AK5: variants seen among roughly 807,000 people sequenced by gnomAD.
AK5 encodes the protein adenylate kinase isoenzyme 5.
Under a neutral mutation model 69.5 loss-of-function variants are expected in AK5, and 27 were observed. That is an observed-to-expected ratio of 0.39 (90% CI 0.29 to 0.54). AK5 has a LOEUF of 0.54. Ranked by LOEUF, AK5 falls within the 20% of genes least tolerant of loss-of-function variation. The probability of loss-of-function intolerance (pLI) is 0.71; values close to 1 mark genes in which losing one functional copy is unlikely to be tolerated. For synonymous variants in AK5, 260 were observed against 244.4 expected, an observed-to-expected ratio of 1.06 and a Z score of -0.60; for missense variants, 531 against 700.4, an observed-to-expected ratio of 0.76 and a Z score of 2.73.
intron 8 of AK5, among the ~76,000 whole-genome samples, chr1:77,461,191 G>A (rs7524107): frequency 0.045 from 6,889 of 151,524 alleles, 395 homozygotes; most frequent in East Asian, 0.19. Flanking sequence ...CCACCACCGC[G>A]CCTGGCTAAT....
intron 6 of AK5, among the ~76,000 whole-genome samples, chr1:77,403,568 G>A (rs1363076846): frequency 6.6e-6 from 1 of 152,168 alleles, no homozygotes; most frequent in South Asian, 2.1e-4. Flanking sequence ...TTTCCCCATT[G>A]CTTGTTTTTC....
At chr1:77,467,840 G>A (rs1465227188) in intron 8 of AK5, among the ~76,000 whole-genome samples, 3 of 152,180 alleles carry the variant, frequency 2.0e-5, no homozygotes, top group African/African-American at 7.2e-5. Context: ...CTCTCTCAAG[G>A]TGGACTGGTT....
At chr1:77,358,378 G>A (rs1044744726) in intron 6 of AK5, among the ~76,000 whole-genome samples, 2 of 152,124 alleles carry the variant, frequency 1.3e-5, no homozygotes, top group Non-Finnish European at 2.9e-5. Flanking sequence ...GTTCAAATTA[G>A]AAAACACGTG....
At chr1:77,317,160 G>T (rs74090458) in intron 5 of AK5, among the ~76,000 whole-genome samples, 1,845 of 152,218 alleles carry the variant, frequency 0.012, 45 homozygotes, top group African/African-American at 0.042. Context: ...CTTGGTTTGG[G>T]AAGACTCCAA....
chr1:77,428,591 A>C (rs573828378), intron 8 of AK5, among the ~76,000 whole-genome samples: 667 of 62,698 alleles, frequency 0.011, 4 homozygotes, highest in African/African-American at 0.035. Flanking sequence ...GCTCTATCCA[A>C]GTTCTTTTTT....
chr1:77,295,389 G>A (rs771321290), intron 3 of AK5, among the ~76,000 whole-genome samples: 1 of 152,196 alleles, frequency 6.6e-6, no homozygotes, highest in Non-Finnish European at 1.5e-5. Flanking sequence ...AAATGAAATT[G>A]TAAATATATC....
intron 8 of AK5, among the ~76,000 whole-genome samples, chr1:77,433,722 A>G (rs1260619012): frequency 2.6e-5 from 4 of 152,154 alleles, no homozygotes; most frequent in Non-Finnish European, 5.9e-5. Flanking sequence ...GTTTTCTTCA[A>G]TCTGGAAAAC....
At chr1:77,508,263 T>G (rs1393348919) in intron 10 of AK5, among the ~76,000 whole-genome samples, 2 of 152,308 alleles carry the variant, frequency 1.3e-5, no homozygotes, top group East Asian at 3.9e-4. Context: ...CCTGTCCACT[T>G]CCAAGTAAAT....
chr1:77,333,942 T>C (rs577693489), intron 5 of AK5, among the ~76,000 whole-genome samples: 44 of 152,350 alleles, frequency 2.9e-4, no homozygotes, highest in African/African-American at 1.0e-3. Flanking sequence ...GCCTCATGAT[T>C]TATGTACTGT....
chr1:77,553,809 A>G (rs1290175136), intron 13 of AK5, among the ~76,000 whole-genome samples: 1 of 152,150 alleles, frequency 6.6e-6, no homozygotes, highest in Admixed American at 6.6e-5. Flanking sequence ...GTGAGTTAGC[A>G]ACCCCTTCCT....
chr1:77,464,659 G>A (rs775834139), intron 8 of AK5, among the ~76,000 whole-genome samples: 7 of 152,126 alleles, frequency 4.6e-5, no homozygotes, highest in Non-Finnish European at 1.0e-4. Flanking sequence ...TACGGGATAG[G>A]CTGGCCCAGA....
At chr1:77,286,910 T>C (rs886512893) in intron 1 of AK5, 31 bp from the exon 2 acceptor site, 4 of 1,321,590 alleles carry the variant, frequency 3.0e-6, no homozygotes, top group Middle Eastern at 2.1e-4. Flanking sequence ...TTAAAAGATA[T>C]TTTATTTGTA....
chr1:77,414,791 TTA>T (rs1650284596), intron 7 of AK5, among the ~76,000 whole-genome samples: 1 of 152,198 alleles, frequency 6.6e-6, no homozygotes, highest in South Asian at 2.1e-4. Context: ...TGCAGTTGTT[TTA>T]TGTGTTAAAT....
chr1:77,414,750 T>C (rs1181490515), intron 7 of AK5, among the ~76,000 whole-genome samples: 1 of 152,202 alleles, frequency 6.6e-6, no homozygotes, highest in Admixed American at 6.5e-5. Context: ...AACATCCTAA[T>C]TTTTCTGTCT....
intron 6 of AK5, among the ~76,000 whole-genome samples, chr1:77,400,167 G>T (rs1649111668): frequency 6.6e-6 from 1 of 152,098 alleles, no homozygotes; most frequent in East Asian, 1.9e-4. Flanking sequence ...GGATTCTTGG[G>T]GGTCCATCCT....
At chr1:77,440,202 G>C (rs1652239479) in intron 8 of AK5, among the ~76,000 whole-genome samples, 1 of 152,114 alleles carries the variant, frequency 6.6e-6, no homozygotes, top group Non-Finnish European at 1.5e-5. Flanking sequence ...GGTTGTCTGG[G>C]AAAGACTTTA....
chr1:77,357,108 A>G (rs746511823), intron 6 of AK5, among the ~76,000 whole-genome samples: 3 of 152,138 alleles, frequency 2.0e-5, no homozygotes, highest in Non-Finnish European at 4.4e-5. Context: ...AGGACTGCCA[A>G]TTTCATATTT....
At chr1:77,453,380 G>T (rs530442749) in intron 8 of AK5, among the ~76,000 whole-genome samples, 32 of 152,248 alleles carry the variant, frequency 2.1e-4, no homozygotes, top group African/African-American at 7.7e-4. Context: ...CCCTTATAAA[G>T]TGTTTCATAT....
At chr1:77,337,222 A>G (rs756469013) in intron 5 of AK5, among the ~76,000 whole-genome samples, 12 of 152,218 alleles carry the variant, frequency 7.9e-5, no homozygotes, top group Non-Finnish European at 1.8e-4. Context: ...AAAAGACAAA[A>G]TATAGTGATG....
Sources: gnomAD v4.1 joint callset for allele counts (sites outside exome capture counted in the v4.1 genomes callset) on GRCh38, gnomAD v4.1.1 for gene constraint, MANE v1.5 for transcripts, NCBI Gene and HGNC (gene_info 2026-07-23, HGNC 2026-07-21) for gene names.